The following PLK1 variants were observed in gnomAD, a reference collection of about 807,000 sequenced individuals.
The protein encoded by PLK1 is serine/threonine-protein kinase PLK1.
PLK1 carries 6 observed loss-of-function variants against 56.7 expected under a neutral mutation model. The observed-to-expected ratio is 0.11, with a 90% CI of 0.06 to 0.21. The LOEUF (loss-of-function observed/expected upper bound fraction) is 0.21, where lower values mean the gene tolerates loss of function less well. PLK1 is among the 10% of genes least tolerant of loss of function. The pLI, the probability that PLK1 is intolerant of heterozygous loss-of-function variation, is 1.00. For missense variants in PLK1, 546 were observed against 814.4 expected (o/e 0.67, Z 4.01); for synonymous variants, 298 against 325.0 (o/e 0.92, Z 0.89).
chr16:23,684,956 CCTTTTTTTTTTTTTT>C, intron 5 of PLK1, among the ~76,000 whole-genome samples: 1 of 104,634 alleles, frequency 9.6e-6, no homozygotes, highest in Non-Finnish European at 1.9e-5. Context: ...CCAGGCCCGG[CCTTTTTTTTTTTTTT>C]TTTTTTTTTT....
chr16:23,687,586 A>G lies in PLK1; in HGVS notation c.1154A>G (p.Asn385Ser), dbSNP rs755036110. The change falls in exon 6 of 10, where the codon AAT becomes AGT. Residue 385 changes from asparagine (N) to serine (S), a missense_variant. Asn to Ser is a conservative substitution (Grantham distance 46, BLOSUM62 1). Coordinates refer to ENST00000300093, the MANE Select transcript of PLK1 (RefSeq NM_005030.6). ...ATGCTGCAGCAGCTGCACAGTGTCA[A>G]TGCCTCCAAGCCCTCGGAGCGTGGG... ...SDMLQQLHSV[N>S]ASKPSERGLV... 1.9e-6 allele frequency: 3 copies of G among 1,600,900 alleles called. No homozygotes were observed. Among genetic ancestry groups the G allele is most frequent in the Non-Finnish European group, 2.6e-6 (3 of 1,172,214 alleles).
chr16:23,684,169 G>A, intron 5 of PLK1, 80 bp downstream of exon 5: 2 of 1,084,152 alleles, frequency 1.8e-6, no homozygotes, highest in South Asian at 1.3e-5. Flanking sequence ...TTAGTCCCTG[G>A]CCCTGAGAGC....
At chr16:23,680,382 C>T in intron 2 of PLK1, 130 bp downstream of exon 2, 1 of 668,814 alleles carries the variant, frequency 1.5e-6, no homozygotes. Context: ...TTTTTTGTGC[C>T]CCAATGCAAT....
In PLK1 at chr16:23,687,589, C is replaced by G. The variant is rs1187655104; in HGVS notation, c.1157C>G (p.Ala386Gly). The change falls in exon 6 of 10, where the codon GCC becomes GGC. Residue 386 changes from alanine to glycine, a missense_variant. Around this residue, in one of 7 missense-constraint regions of PLK1, gnomAD observed 157 missense variants for 184.0 expected, o/e 0.85. Transcript: ENST00000300093. ...DMLQQLHSVN[A>G]SKPSERGLVR... ...CTGCAGCAGCTGCACAGTGTCAATGCCTCCAAGCCCTCGGAGCGTGGGCTG... is the reference window on the plus strand; with the variant it reads ...CTGCAGCAGCTGCACAGTGTCAATGGCTCCAAGCCCTCGGAGCGTGGGCTG... 6.3e-7 allele frequency: 1 copy of G among 1,597,928 alleles called. No individual in the cohort carries two copies. The highest frequency in any genetic ancestry group is 8.5e-7 in the Non-Finnish European group (1 of 1,169,850).
At position 23,689,856 on chromosome 16, in the gene PLK1, G is replaced by GC. The variant is rs1567241006; in HGVS notation, c.1609-3dup. Reference sequence around the variant, plus strand: ...CGCCAACCCCTGCTGCTCTTCTCTTGCAGGATCACACCAAGCTCATCTTGT... The same window carrying GC: ...CGCCAACCCCTGCTGCTCTTCTCTTGCCAGGATCACACCAAGCTCATCTTGT... On this transcript the variant is annotated splice_polypyrimidine_tract_variant and splice_region_variant and intron_variant, in intron 9 of 9. Coordinates refer to ENST00000300093, the MANE Select transcript of PLK1 (RefSeq NM_005030.6). The surrounding 1 kb of genome is among the most constrained non-coding windows in gnomAD (Gnocchi z 4.8). 6 of 1,612,756 alleles carry GC rather than the reference G, an allele frequency of 3.7e-6. No homozygotes were observed. The African/African-American group carries it at 6.7e-5, about 18-fold the overall frequency.
chr16:23,682,229 C>T (rs1218215962), intron 4 of PLK1, 72 bp downstream of exon 4: 2 of 843,244 alleles, frequency 2.4e-6, no homozygotes, highest in African/African-American at 3.3e-5. Flanking sequence ...CCAGCAATAT[C>T]CTAGGACCAG....
chr16:23,680,696 C>T (rs1959317379), intron 2 of PLK1, among the ~76,000 whole-genome samples: 1 of 152,144 alleles, frequency 6.6e-6, no homozygotes, highest in African/African-American at 2.4e-5. Flanking sequence ...AAAGCATAGC[C>T]CCTTTCTAAA....
chr16:23,685,707 CAA>C (rs533223626), intron 5 of PLK1, among the ~76,000 whole-genome samples: 4 of 129,642 alleles, frequency 3.1e-5, no homozygotes, highest in South Asian at 2.5e-4. Flanking sequence ...GACTCTGTCT[CAA>C]AAAAAAAAAA....
At chr16:23,683,130 A>G (rs1455113836) in intron 4 of PLK1, among the ~76,000 whole-genome samples, 1 of 151,314 alleles carries the variant, frequency 6.6e-6, no homozygotes, top group African/African-American at 2.4e-5. Flanking sequence ...AGCTGGAACT[A>G]CAGGCACCAG....
Position 23,679,083 on chromosome 16 carries a change from C to T in PLK1, c.151C>T (p.Arg51Trp). 6.2e-7 allele frequency: 1 copy of T among 1,605,948 alleles called. No individual in the cohort carries two copies. The highest frequency in any genetic ancestry group is 8.5e-7 in the Non-Finnish European group (1 of 1,173,858). Residue 51 changes from arginine to tryptophan, a missense_variant, in exon 1 of 10, where the codon CGG becomes TGG. Physicochemically the swap from Arg to Trp is moderately radical, Grantham distance 101. Transcript: ENST00000300093. ...GGTCCTAGTGGACCCACGCAGCCGGCGGCGCTATGTGCGGGGCCGCTTTTT... is the reference window on the plus strand; with the variant it reads ...GGTCCTAGTGGACCCACGCAGCCGGTGGCGCTATGTGCGGGGCCGCTTTTT... ...PEVLVDPRSR[R>W]RYVRGRFLGK...
At chr16:23,684,233 A>G (rs1345803113) in intron 5 of PLK1, 144 bp downstream of exon 5, 5 of 644,596 alleles carry the variant, frequency 7.8e-6, no homozygotes, top group Non-Finnish European at 1.1e-5. Flanking sequence ...TCCAATGCCC[A>G]TCTGCTTCTC....
At chr16:23,680,060 C>G in intron 1 of PLK1, 24 bp from the exon 2 acceptor site, 1 of 1,595,342 alleles carries the variant, frequency 6.3e-7, no homozygotes, top group Non-Finnish European at 8.6e-7. Context: ...CCCATCCCTC[C>G]TGCCCTCTCC....
At chr16:23,685,685 G>A (rs1163264750) in intron 5 of PLK1, among the ~76,000 whole-genome samples, 3 of 150,650 alleles carry the variant, frequency 2.0e-5, no homozygotes, top group African/African-American at 4.9e-5. Flanking sequence ...TCCAGCCTGG[G>A]CAACAGAGCG....
intron 1 of PLK1, chr16:23,679,629 A>G (rs904687427): frequency 1.3e-5 from 5 of 390,676 alleles, no homozygotes; most frequent in Non-Finnish European, 1.9e-5. Context: ...CTGGTAATGG[A>G]CGCTAGGGCC....
In PLK1 at chr16:23,689,778, T is replaced by C; in HGVS notation, c.1609-82T>C. The C allele has an allele frequency of 6.6e-7, 1 of 1,519,792 alleles. No homozygotes were observed. The highest frequency in any genetic ancestry group is 9.1e-7 in the Non-Finnish European group (1 of 1,102,310). The allele number at this position is 1,519,792 out of a possible 1,614,324, so 94.1% of individuals were successfully genotyped here. The stretch of plus-strand genomic sequence containing the variant: ...ATGTGGAGTGAGCGGCTCAGGTACC[T>C]ATAACCTGTTGTGTCTTCCCTCTAC... On this transcript the variant is annotated intron_variant, in intron 9 of 9. Transcript: ENST00000300093. This position sits in a 1 kb window ranked among gnomAD's most constrained non-coding sequence, Gnocchi z 4.8.
At chr16:23,681,284 A>AGGT (rs1415227955) in intron 3 of PLK1, among the ~76,000 whole-genome samples, 1 of 152,130 alleles carries the variant, frequency 6.6e-6, no homozygotes, top group Non-Finnish European at 1.5e-5. Context: ...GAGGAGGAGG[A>AGGT]GGGAGAGTCT....
intron 4 of PLK1, among the ~76,000 whole-genome samples, chr16:23,682,778 C>T (rs547663291): frequency 1.5e-4 from 23 of 151,138 alleles, no homozygotes; most frequent in Non-Finnish European, 3.0e-4. Context: ...GTGATCCACC[C>T]GCCTTGGCCT....
In PLK1 at chr16:23,683,924, A is replaced by T; in HGVS notation, c.871A>T (p.Thr291Ser). 1 of 1,614,058 alleles carries T rather than the reference A, an allele frequency of 6.2e-7. No homozygotes were observed. The highest frequency in any genetic ancestry group is 8.5e-7 in the Non-Finnish European group (1 of 1,180,002). The change falls in exon 5 of 10, where the codon ACT becomes TCT. Residue 291 changes from threonine to serine, a missense_variant. Around this residue, in one of 7 missense-constraint regions of PLK1, gnomAD observed 157 missense variants for 184.0 expected, o/e 0.85. Coordinates refer to ENST00000300093, the MANE Select transcript of PLK1 (RefSeq NM_005030.6). ...LIQKMLQTDP[T>S]ARPTINELLN... ...CCAGAAGATGCTTCAGACAGATCCC[A>T]CTGCCCGCCCAACCATTAACGAGCT...
In PLK1 at chr16:23,682,081, G is replaced by A. The variant is rs866571631; in HGVS notation, c.740G>A (p.Gly247Asp). The A allele has an allele frequency of 6.2e-7, 1 of 1,602,684 alleles. No homozygotes were observed. The highest frequency in any genetic ancestry group is 8.5e-7 in the Non-Finnish European group (1 of 1,169,660). Reference sequence around the variant, plus strand: ...GCTTACAGGTATACCTTGTTAGTGGGCAAACCACCTTTTGAGACTTCTTGC... The same window carrying A: ...GCTTACAGGTATACCTTGTTAGTGGACAAACCACCTTTTGAGACTTCTTGC... ...IGCIMYTLLV[G>D]KPPFETSCLK... Residue 247 changes from glycine to aspartate, a missense_variant, in exon 4 of 10, where the codon GGC (glycine) becomes GAC (aspartate). Gly to Asp is a moderately conservative substitution (Grantham distance 94). Around this residue, in one of 7 missense-constraint regions of PLK1, gnomAD observed 21 missense variants for 58.4 expected, o/e 0.36. Transcript: ENST00000300093.
Sources: allele counts gnomAD v4.1 joint callset (sites outside exome capture counted in the v4.1 genomes callset), GRCh38; gene constraint gnomAD v4.1.1; regional missense constraint gnomAD v4.1.1; non-coding constraint Gnocchi (gnomAD v3.1); transcripts MANE v1.5; gene names NCBI Gene and HGNC (gene_info 2026-07-23, HGNC 2026-07-21).